The following TANC2 variants were observed in gnomAD, a reference collection of about 807,000 sequenced individuals.
TANC2 encodes protein TANC2.
Under a neutral mutation model 210.5 loss-of-function variants are expected in TANC2, and 26 were observed. The ratio of observed to expected loss-of-function variants is 0.12; its 90% CI spans 0.09 to 0.17. The LOEUF is 0.17. Among genes scored for constraint, TANC2 ranks in the 10% least tolerant of loss-of-function variants. The probability of loss-of-function intolerance (pLI) is 1.00; values close to 1 mark genes in which losing one functional copy is unlikely to be tolerated. For synonymous variants in TANC2, 931 were observed against 967.1 expected, an observed-to-expected ratio of 0.96 and a Z score of 0.69; for missense variants, 2,129 against 2,608.9, an observed-to-expected ratio of 0.82 and a Z score of 4.01.
At chr17:63,214,923 C>CCAGT (rs2041984268) in intron 7 of TANC2, among the ~76,000 whole-genome samples, 1 of 152,152 alleles carries the variant, frequency 6.6e-6, no homozygotes, top group Admixed American at 6.5e-5. Flanking sequence ...GGTTCTAAAT[C>CCAGT]CAGTCCTTCA....
intron 5 of TANC2, chr17:63,153,891 G>A (rs1328335645): frequency 6.6e-6 from 1 of 152,092 alleles, no homozygotes; most frequent in African/African-American, 2.4e-5. Flanking sequence ...GTGTTGTCCT[G>A]CATGTAAAAG....
intron 7 of TANC2, among the ~76,000 whole-genome samples, chr17:63,203,471 T>C (rs1040602780): frequency 2.0e-5 from 3 of 152,310 alleles, no homozygotes; most frequent in African/African-American, 7.2e-5. Context: ...TTGAAACACA[T>C]CTTCAGAGTT....
intron 9 of TANC2, among the ~76,000 whole-genome samples, chr17:63,299,981 A>C (rs994992287): frequency 6.6e-6 from 1 of 152,166 alleles, no homozygotes; most frequent in African/African-American, 2.4e-5. Flanking sequence ...GAAGGGGTCC[A>C]GTTTCAGTTT....
chr17:63,164,130 T>C (rs899275407), intron 5 of TANC2, among the ~76,000 whole-genome samples: 12 of 92,710 alleles, frequency 1.3e-4, no homozygotes, highest in African/African-American at 3.4e-4. Context: ...CATCAGCAGC[T>C]TTTTTTTTTT....
At position 63,421,321 on chromosome 17, in the gene TANC2, T is replaced by G; in HGVS notation, c.5591T>G (p.Leu1864Arg). Reference sequence around the variant, plus strand: ...TTGCTGCATTCCCAAAGTGTAGGCCTTCGCTTCTCTCCATCTAGCAATAGT... The same window carrying G: ...TTGCTGCATTCCCAAAGTGTAGGCCGTCGCTTCTCTCCATCTAGCAATAGT... Residue 1864 changes from leucine to arginine, a missense_variant, in exon 28 of 28, where the codon CTT becomes CGT. By Grantham distance (102) the Leu-to-Arg change is moderately radical. This residue lies in a region of TANC2 where 584 missense variants were observed against 627.3 expected (regional missense o/e 0.93). Coordinates refer to ENST00000689528, the Ensembl canonical transcript of TANC2. The surrounding 1 kb of genome is among the most constrained non-coding windows in gnomAD (Gnocchi z 6.9). The G allele has an allele frequency of 6.2e-7, 1 of 1,614,044 alleles. No homozygotes were observed. The highest frequency in any genetic ancestry group is 8.5e-7 in the Non-Finnish European group (1 of 1,179,896).
intron 8 of TANC2, among the ~76,000 whole-genome samples, chr17:63,239,379 T>C (rs1009534059): frequency 2.0e-5 from 3 of 152,212 alleles, no homozygotes; most frequent in African/African-American, 7.2e-5. Flanking sequence ...ATCAAAGTTA[T>C]GTTTGCTTCT....
chr17:62,969,913 C>G (rs2031596359), intron 1 of TANC2, among the ~76,000 whole-genome samples: 2 of 152,184 alleles, frequency 1.3e-5, no homozygotes, highest in East Asian at 1.9e-4. Flanking sequence ...CATTTTACCT[C>G]TAATGTCAAC....
At chr17:63,055,988 AAAATATATAT>A (rs1188599568) in intron 2 of TANC2, among the ~76,000 whole-genome samples, 5 of 8,974 alleles carry the variant, frequency 5.6e-4, no homozygotes, top group Non-Finnish European at 1.4e-3. Flanking sequence ...AAAAAAAAAA[AAAATATATAT>A]ATATATATAT....
At chr17:63,234,348 T>C (rs975290105) in intron 7 of TANC2, among the ~76,000 whole-genome samples, 1 of 152,240 alleles carries the variant, frequency 6.6e-6, no homozygotes, top group African/African-American at 2.4e-5. Context: ...GTAGGCAGTT[T>C]CTTGGCTTAA....
exon 28 of TANC2, chr17:63,422,272 A>C: frequency 3.9e-6 from 1 of 254,778 alleles, no homozygotes; most frequent in Non-Finnish European, 7.6e-6. Context: ...CCAGGAGACA[A>C]TCGCTTTCAC....
In TANC2 at chr17:63,383,166, G is replaced by A. The variant is rs143224715; in HGVS notation, c.2691+3340G>A. 1.3e-3 allele frequency among the ~76,000 whole-genome samples: 199 copies of A among 152,294 alleles called. 2 individuals carry two copies. The highest frequency in any genetic ancestry group is 4.5e-3 in the African/African-American group (186 of 41,558). ...CCTATTATTAACATCTTGTACTGAT[G>A]TGGTACATTTGTTACAATTGAGGAA... is the stretch of plus-strand genomic sequence containing the variant. On this transcript the variant is annotated intron_variant, in intron 15 of 27. Coordinates refer to ENST00000689528, the Ensembl canonical transcript of TANC2.
At chr17:63,131,532 G>GTT (rs10719381) in intron 4 of TANC2, among the ~76,000 whole-genome samples, 5 of 145,870 alleles carry the variant, frequency 3.4e-5, no homozygotes, top group Non-Finnish European at 3.0e-5. Context: ...AATTACTTTG[G>GTT]TTTTTTTTTT....
intron 9 of TANC2, among the ~76,000 whole-genome samples, chr17:63,291,447 A>G (rs908177924): frequency 1.3e-5 from 2 of 152,166 alleles, no homozygotes; most frequent in African/African-American, 4.8e-5. Context: ...TGGAATGTAC[A>G]TACCCTCTGA....
At chr17:63,196,622 T>C (rs2041354821) in intron 6 of TANC2, among the ~76,000 whole-genome samples, 1 of 152,206 alleles carries the variant, frequency 6.6e-6, no homozygotes, top group African/African-American at 2.4e-5. Flanking sequence ...ATTAAAGCAA[T>C]ATGGTGTAAT....
intron 2 of TANC2, among the ~76,000 whole-genome samples, chr17:63,071,259 T>C (rs1323801769): frequency 6.6e-6 from 1 of 152,110 alleles, no homozygotes; most frequent in Non-Finnish European, 1.5e-5. Context: ...ATACAGAATG[T>C]CAGGTGCCAA....
At chr17:63,218,902 A>G (rs952291907) in intron 7 of TANC2, among the ~76,000 whole-genome samples, 1 of 151,590 alleles carries the variant, frequency 6.6e-6, no homozygotes, top group African/African-American at 2.4e-5. Context: ...CTCAAAAAAG[A>G]AAAAAAAATA....
intron 2 of TANC2, among the ~76,000 whole-genome samples, chr17:63,058,727 G>A (rs1233869941): frequency 2.6e-5 from 4 of 152,136 alleles, no homozygotes; most frequent in Non-Finnish European, 5.9e-5. Flanking sequence ...ACGTCAGATG[G>A]TTGTAGATGT....
In TANC2 at chr17:62,966,335, G is replaced by C. The variant is rs893896554; in HGVS notation, c.-438G>C. On this transcript the variant is annotated 5_prime_UTR_variant, in exon 1 of 28. Transcript: ENST00000689528. This position sits in a 1 kb window ranked among gnomAD's most constrained non-coding sequence, Gnocchi z 5.1. ...CCTCGCGCGAGCCGCCCGCCCGGCGGGGGAAGCTGCGAGCGCTCCGAGCGC... is the reference window on the plus strand; with the variant it reads ...CCTCGCGCGAGCCGCCCGCCCGGCGCGGGAAGCTGCGAGCGCTCCGAGCGC... Among the ~76,000 whole-genome samples the C allele has an allele frequency of 8.2e-4, 120 of 146,734 alleles. No individual in the cohort carries two copies. Among genetic ancestry groups the C allele is most frequent in the Non-Finnish European group, 1.7e-3 (110 of 65,962 alleles).
chr17:63,048,332 G>A (rs2035456036), intron 2 of TANC2, among the ~76,000 whole-genome samples: 1 of 151,996 alleles, frequency 6.6e-6, no homozygotes. Flanking sequence ...CACCTTATTT[G>A]TTTTTTGGAA....
Sources: allele counts gnomAD v4.1 joint callset (sites outside exome capture counted in the v4.1 genomes callset), GRCh38; gene constraint gnomAD v4.1.1; regional missense constraint gnomAD v4.1.1; non-coding constraint Gnocchi (gnomAD v3.1); transcripts MANE v1.5; gene names NCBI Gene and HGNC (gene_info 2026-07-23, HGNC 2026-07-21).